The following ATP9B variants were observed in gnomAD, a reference collection of about 807,000 sequenced individuals.
ATP9B encodes the protein ATPase phospholipid transporting 9B.
Under a neutral mutation model 146.1 loss-of-function variants are expected in ATP9B, and 110 were observed. The observed-to-expected ratio is 0.75, with a 90% CI of 0.65 to 0.88. The LOEUF (loss-of-function observed/expected upper bound fraction) is 0.88, where lower values mean the gene tolerates loss of function less well. Ranked by LOEUF, ATP9B falls within the 40% of genes least tolerant of loss-of-function variation. The probability of loss-of-function intolerance (pLI) is 0.00; values close to 1 mark genes in which losing one functional copy is unlikely to be tolerated. For missense variants in ATP9B, 1,499 were observed against 1,496.4 expected (o/e 1.00, Z -0.03); for synonymous variants, 604 against 569.7 (o/e 1.06, Z -0.86).
rs986630915 is a variant in ATP9B, at chr18:79,069,503, C to T, written c.93C>T (p.Pro31=). The T allele has an allele frequency of 2.8e-6, 4 of 1,452,208 alleles. No individual in the cohort carries two copies. The highest frequency in any genetic ancestry group is 5.3e-5 in the Admixed American group (2 of 37,400). The allele number at this position is 1,452,208 out of a possible 1,614,324, so 90.0% of individuals were successfully genotyped here. Residue 31 remains proline (P), a synonymous_variant, in exon 1 of 30, where the codon CCC becomes CCT. Transcript: ENST00000426216. Reference sequence around the variant, plus strand: ...CGGCCTACTACAGCGCCGCGGGGCCCAGGCCGGGAGCCGACCGGCACAGCA... The same window carrying T: ...CGGCCTACTACAGCGCCGCGGGGCCTAGGCCGGGAGCCGACCGGCACAGCA... ...KRAAYYSAAG[P]RPGADRHSRY...
chr18:79,086,697 A>G (rs1402336689), intron 1 of ATP9B, among the ~76,000 whole-genome samples: 2 of 152,050 alleles, frequency 1.3e-5, no homozygotes, highest in African/African-American at 4.8e-5. Flanking sequence ...GTTTTTCTCA[A>G]TTTATGTATA....
rs1013457155 is a variant in ATP9B at position 79,348,266 on chromosome 18, A to C, written c.2903+70A>C. On this transcript the variant is annotated intron_variant, in intron 25 of 29. Coordinates refer to ENST00000426216, the MANE Select transcript of ATP9B (RefSeq NM_198531.5). ...CTATTTTGAAAAAAAAAAAAAAAAA[A>C]AAACAAAAAACGTATATAGAAGATT... 1.1e-4 allele frequency: 131 copies of C among 1,227,474 alleles called. 2 individuals carry two copies. The highest frequency in any genetic ancestry group is 8.1e-4 in the East Asian group (34 of 41,974). 76.0% of individuals were successfully genotyped at this position (1,227,474 alleles called of 1,614,324 possible).
chr18:79,279,833 C>T (rs1250700923), intron 13 of ATP9B, among the ~76,000 whole-genome samples: 1 of 152,028 alleles, frequency 6.6e-6, no homozygotes, highest in Non-Finnish European at 1.5e-5. Context: ...TGTTTGCAAG[C>T]CTAGGAGGAA....
intron 11 of ATP9B, among the ~76,000 whole-genome samples, chr18:79,220,458 G>C (rs2095666773): frequency 6.6e-6 from 1 of 152,024 alleles, no homozygotes; most frequent in East Asian, 1.9e-4. Flanking sequence ...AAGATTCCCT[G>C]GGCGTGGTGG....
intron 5 of ATP9B, among the ~76,000 whole-genome samples, chr18:79,136,865 A>G (rs1252446031): frequency 6.6e-6 from 1 of 152,172 alleles, no homozygotes; most frequent in Non-Finnish European, 1.5e-5. Flanking sequence ...AGGAGAAGCA[A>G]ACACGTCCTT....
chr18:79,153,341 T>TA (rs1237932877), intron 6 of ATP9B, among the ~76,000 whole-genome samples: 3 of 152,352 alleles, frequency 2.0e-5, no homozygotes, highest in East Asian at 1.9e-4. Context: ...AGTGACTTGT[T>TA]AGAGTTTTTA....
At chr18:79,265,326 T>C (rs2096191484) in intron 12 of ATP9B, among the ~76,000 whole-genome samples, 2 of 152,214 alleles carry the variant, frequency 1.3e-5, no homozygotes, top group Admixed American at 6.5e-5. Flanking sequence ...CTGTCATTGA[T>C]GGGCATTTAG....
intron 15 of ATP9B, among the ~76,000 whole-genome samples, chr18:79,315,683 G>C (rs543041402): frequency 6.6e-6 from 1 of 152,194 alleles, no homozygotes; most frequent in African/African-American, 2.4e-5. Flanking sequence ...TTAATGGTAA[G>C]AATTGCCCCG....
intron 7 of ATP9B, among the ~76,000 whole-genome samples, chr18:79,174,468 G>A (rs1014657404): frequency 2.0e-5 from 3 of 152,158 alleles, no homozygotes; most frequent in Non-Finnish European, 2.9e-5. Flanking sequence ...GTTTCTGATT[G>A]TCTCACACAC....
In ATP9B at chr18:79,121,071, T is replaced by C. The variant is rs8099205; in HGVS notation, c.559-5196T>C. Among the ~76,000 whole-genome samples, 188 of 152,336 alleles carry C rather than the reference T, an allele frequency of 1.2e-3. 3 individuals are homozygous for C. The highest frequency in any genetic ancestry group is 4.3e-3 in the African/African-American group (180 of 41,570). Reference sequence around the variant, plus strand: ...AAATTAGAGGTAAAGATACATACTTTGTAGGATTTTTGTGATATTTAAAAG... The same window carrying C: ...AAATTAGAGGTAAAGATACATACTTCGTAGGATTTTTGTGATATTTAAAAG... On this transcript the variant is annotated intron_variant, in intron 4 of 29. Transcript: ENST00000426216.
chr18:79,110,645 CATCT>C (rs1384798777), intron 3 of ATP9B, 140 bp downstream of exon 3: 3 of 703,628 alleles, frequency 4.3e-6, no homozygotes, highest in Admixed American at 3.5e-5. Context: ...GCTTTTGAAC[CATCT>C]GTGTTCCCAA....
At chr18:79,222,028 A>G (rs1235095452) in intron 11 of ATP9B, among the ~76,000 whole-genome samples, 1 of 152,086 alleles carries the variant, frequency 6.6e-6, no homozygotes, top group Non-Finnish European at 1.5e-5. Flanking sequence ...AGTTCAACAG[A>G]CATTTCCCAC....
At chr18:79,315,875 T>A (rs1271844938) in intron 15 of ATP9B, among the ~76,000 whole-genome samples, 1 of 152,188 alleles carries the variant, frequency 6.6e-6, no homozygotes, top group Non-Finnish European at 1.5e-5. Context: ...CACTTACATA[T>A]ATTTTTTTGC....
intron 5 of ATP9B, among the ~76,000 whole-genome samples, chr18:79,142,495 G>C (rs1409552904): frequency 1.3e-5 from 2 of 152,210 alleles, no homozygotes; most frequent in Non-Finnish European, 2.9e-5. Context: ...GAAATTAGAT[G>C]ATGAAGTAGG....
intron 12 of ATP9B, among the ~76,000 whole-genome samples, chr18:79,256,284 T>TATATATATACATATAC (rs1217998447): frequency 8.1e-6 from 1 of 122,898 alleles, no homozygotes; most frequent in Non-Finnish European, 1.8e-5. Context: ...TATATATATA[T>TATATATATACATATAC]ATACATACAT....
At chr18:79,131,273 C>G (rs908572125) in intron 5 of ATP9B, among the ~76,000 whole-genome samples, 2 of 152,166 alleles carry the variant, frequency 1.3e-5, no homozygotes, top group Admixed American at 6.5e-5. Flanking sequence ...AATTGTATAT[C>G]TGATAAGGAT....
intron 28 of ATP9B, among the ~76,000 whole-genome samples, chr18:79,374,953 C>T (rs1364627117): frequency 1.3e-5 from 2 of 152,360 alleles, no homozygotes; most frequent in African/African-American, 4.8e-5. Flanking sequence ...GACTTTGAGC[C>T]TCAGCTTTTG....
Position 79,286,955 on chromosome 18 carries a change from C to A in ATP9B, c.1411+9759C>A, listed in dbSNP as rs148475444. On this transcript the variant is annotated intron_variant, in intron 13 of 29. Coordinates refer to ENST00000426216, the MANE Select transcript of ATP9B (RefSeq NM_198531.5). ...GCGTATATTGAACCAGCCTTGCATC[C>A]CAGGGGTAAAGCCCACTTGATCATG... 2.5e-3 allele frequency among the ~76,000 whole-genome samples: 377 copies of A among 152,230 alleles called. 1 individual carries two copies. Among genetic ancestry groups the A allele is most frequent in the African/African-American group, 8.6e-3 (357 of 41,530 alleles).
intron 10 of ATP9B, among the ~76,000 whole-genome samples, chr18:79,210,679 C>G (rs2095576116): frequency 6.6e-6 from 1 of 152,208 alleles, no homozygotes; most frequent in African/African-American, 2.4e-5. Flanking sequence ...TCGGGTCCAG[C>G]CCGGGAGCGC....
Sources: gnomAD v4.1 joint callset for allele counts (sites outside exome capture counted in the v4.1 genomes callset) on GRCh38, gnomAD v4.1.1 for gene constraint, MANE v1.5 for transcripts, NCBI Gene and HGNC (gene_info 2026-07-23, HGNC 2026-07-21) for gene names.